SLC39A11: variants seen among roughly 807,000 people sequenced by gnomAD.
The protein encoded by SLC39A11 is zinc transporter ZIP11.
In SLC39A11, 33 loss-of-function variants were observed where a neutral mutation model predicts 36.1. The observed-to-expected ratio is 0.91, with a 90% CI of 0.69 to 1.22. SLC39A11 has a LOEUF of 1.22. SLC39A11 is among the 50% of genes most tolerant of loss of function. SLC39A11 has a pLI of 0.00. For missense variants in SLC39A11, 432 were observed against 430.3 expected (o/e 1.00, Z -0.03); for synonymous variants, 166 against 170.3 (o/e 0.97, Z 0.20).
intron 5 of SLC39A11, among the ~76,000 whole-genome samples, chr17:72,870,443 G>T (rs1300699863): frequency 6.6e-6 from 1 of 152,212 alleles, no homozygotes; most frequent in Non-Finnish European, 1.5e-5. Context: ...ATTATTCCTG[G>T]CTTCACTGCT....
intron 3 of SLC39A11, among the ~76,000 whole-genome samples, chr17:73,038,746 GGGAGGAGGGAGGGAGGAGGGAT>G (rs1472036408): frequency 3.7e-4 from 46 of 123,524 alleles, no homozygotes; most frequent in Non-Finnish European, 6.5e-4. Context: ...AAAGAAAGGA[GGGAGGAGGGAGGGAGGAGGGAT>G]GGAGGAGGGA....
chr17:72,703,059 C>G (rs1413464584), intron 7 of SLC39A11, among the ~76,000 whole-genome samples: 1 of 151,908 alleles, frequency 6.6e-6, no homozygotes, highest in South Asian at 2.1e-4. Context: ...GCTCCCTTAC[C>G]GCCCCATCAC....
chr17:73,019,547 T>C (rs189801308), intron 4 of SLC39A11, among the ~76,000 whole-genome samples: 72 of 152,298 alleles, frequency 4.7e-4, no homozygotes, highest in Admixed American at 1.4e-3. Flanking sequence ...ACAATGTTAA[T>C]TCAAGGTAGA....
At chr17:72,650,836 T>C (rs1224168708) in intron 7 of SLC39A11, among the ~76,000 whole-genome samples, 1 of 152,150 alleles carries the variant, frequency 6.6e-6, no homozygotes, top group Non-Finnish European at 1.5e-5. Context: ...GCCTATGACC[T>C]GCCCCAGGCT....
intron 6 of SLC39A11, among the ~76,000 whole-genome samples, chr17:72,819,493 G>T (rs1347526562): frequency 6.6e-6 from 1 of 151,280 alleles, no homozygotes; most frequent in Non-Finnish European, 1.5e-5. Context: ...AGGAAAGGGG[G>T]CAGATGGCCA....
intron 6 of SLC39A11, among the ~76,000 whole-genome samples, chr17:72,776,279 C>A (rs747001109): frequency 6.6e-6 from 1 of 152,180 alleles, no homozygotes; most frequent in Admixed American, 6.5e-5. Flanking sequence ...TGTAAACCAT[C>A]CAGGATCATG....
Position 72,986,407 on chromosome 17 carries a change from G to A in SLC39A11, c.307-38532C>T, listed in dbSNP as rs113310165. On this transcript the variant is annotated intron_variant, in intron 4 of 9. Coordinates refer to ENST00000255559, the MANE Select transcript of SLC39A11 (RefSeq NM_139177.4). ...GGTGAAGCTTTTTAGAAATACAGAC[G>A]TCTAAGCTCCACCCAAAGCCTCCTA... Among the ~76,000 whole-genome samples, 10 of 152,326 alleles carry A rather than the reference G, an allele frequency of 6.6e-5. 1 individual carries two copies. The highest frequency in any genetic ancestry group is 2.4e-4 in the African/African-American group (10 of 41,582).
At position 72,662,674 on chromosome 17, in the gene SLC39A11, A is replaced by G. The variant is rs151163890; in HGVS notation, c.672-13406T>C. The stretch of plus-strand genomic sequence containing the variant: ...GAAAAAAGAAAAGAAAAAGGAAGGA[A>G]AAGAAGGAAAAGAAAAAGAAAAGGA... On this transcript the variant is annotated intron_variant, in intron 7 of 9. Transcript: ENST00000255559. Among the ~76,000 whole-genome samples the G allele has an allele frequency of 1.2e-3, 187 of 150,924 alleles. 1 individual carries two copies. The highest frequency in any genetic ancestry group is 4.4e-3 in the African/African-American group (180 of 41,284).
chr17:72,767,395 G>C (rs56653615), intron 6 of SLC39A11, among the ~76,000 whole-genome samples: 2,593 of 152,326 alleles, frequency 0.017, 67 homozygotes, highest in African/African-American at 0.058. Context: ...AAAGGAAAAG[G>C]TGAGGGCTGC....
At chr17:73,054,368 C>CA (rs1319911492) in intron 3 of SLC39A11, among the ~76,000 whole-genome samples, 17 of 145,040 alleles carry the variant, frequency 1.2e-4, no homozygotes, top group Non-Finnish European at 1.5e-4. Context: ...TCGAAAAAAA[C>CA]AAAAAAACAA....
chr17:72,650,054 C>T lies in SLC39A11; in HGVS notation c.672-786G>A, dbSNP rs144138250. 2.0e-5 allele frequency among the ~76,000 whole-genome samples: 3 copies of T among 152,348 alleles called. No homozygotes were observed. The East Asian group carries it at 5.8e-4, about 29-fold the overall frequency. ...TTACAGCACAGAAATGAGTATATCA[C>T]ATTTTATTCAGAGGCCACTTCAGAA... On this transcript the variant is annotated intron_variant, in intron 7 of 9. Coordinates refer to ENST00000255559, the MANE Select transcript of SLC39A11 (RefSeq NM_139177.4).
intron 6 of SLC39A11, among the ~76,000 whole-genome samples, chr17:72,780,146 C>A (rs73352985): frequency 0.037 from 5,638 of 152,274 alleles, 328 homozygotes; most frequent in African/African-American, 0.13. Flanking sequence ...AGTCTGTGGA[C>A]TAAGCATGCT....
At chr17:72,801,792 CTA>C (rs1330834984) in intron 6 of SLC39A11, among the ~76,000 whole-genome samples, 1 of 152,088 alleles carries the variant, frequency 6.6e-6, no homozygotes, top group Non-Finnish European at 1.5e-5. Flanking sequence ...CTGCACAACT[CTA>C]TAAATTTACT....
chr17:73,003,513 T>G (rs1450459840), intron 4 of SLC39A11, among the ~76,000 whole-genome samples: 2 of 151,986 alleles, frequency 1.3e-5, no homozygotes, highest in African/African-American at 4.8e-5. Context: ...GACCCCAGGC[T>G]AGGATGAGAC....
At chr17:72,948,301 T>C (rs1257073903) in intron 4 of SLC39A11, among the ~76,000 whole-genome samples, 4 of 149,820 alleles carry the variant, frequency 2.7e-5, no homozygotes, top group African/African-American at 1.0e-4. Context: ...GCAAGCGTCA[T>C]CGCCGCACGC....
chr17:72,732,319 C>T lies in SLC39A11; in HGVS notation c.671+4331G>A, dbSNP rs2074266942. On this transcript the variant is annotated intron_variant, in intron 7 of 9. Coordinates refer to ENST00000255559, the MANE Select transcript of SLC39A11 (RefSeq NM_139177.4). ...GTGAGCCACGGCACCTGGCCATGTG[C>T]ATTACTTTTAACTACACTATATTCA... is the stretch of plus-strand genomic sequence containing the variant. Among the ~76,000 whole-genome samples the T allele has an allele frequency of 2.6e-5, 4 of 152,194 alleles. No individual in the cohort carries two copies. In the South Asian group the frequency reaches 8.3e-4, roughly 32 times the overall value.
chr17:72,681,907 G>C (rs1319842465), intron 7 of SLC39A11, among the ~76,000 whole-genome samples: 1 of 152,152 alleles, frequency 6.6e-6, no homozygotes, highest in Non-Finnish European at 1.5e-5. Context: ...CTCGGCCACA[G>C]ACCTGACCTG....
In SLC39A11 at chr17:72,740,056, C is replaced by CTTTTTTTTTTT. The variant is rs386386565; in HGVS notation, c.602-3348_602-3338dup. On this transcript the variant is annotated intron_variant, in intron 6 of 9. Coordinates refer to ENST00000255559, the MANE Select transcript of SLC39A11 (RefSeq NM_139177.4). The stretch of plus-strand genomic sequence containing the variant: ...AGCTAGATAGAATTTCTTTCCTTTT[C>CTTTTTTTTTTT]TTTTTTTTTTTTTTTTTTTTTTTTG... 8.8e-3 allele frequency among the ~76,000 whole-genome samples: 718 copies of CTTTTTTTTTTT among 81,458 alleles called. 72 individuals carry two copies. The highest frequency in any genetic ancestry group is 0.013 in the African/African-American group (254 of 19,428). 53.4% of individuals were successfully genotyped at this position (81,458 alleles called of 152,430 possible). A position where few individuals can be genotyped will look rare whatever the true frequency, so the allele number is the denominator to read the frequency against.
intron 5 of SLC39A11, among the ~76,000 whole-genome samples, chr17:72,878,286 C>A (rs2081023966): frequency 6.6e-6 from 1 of 152,180 alleles, no homozygotes; most frequent in South Asian, 2.1e-4. Flanking sequence ...CCGACACTGT[C>A]ACCTTCTGCT....
Sources: allele counts gnomAD v4.1 joint callset (sites outside exome capture counted in the v4.1 genomes callset), GRCh38; gene constraint gnomAD v4.1.1; transcripts MANE v1.5; gene names NCBI Gene and HGNC (gene_info 2026-07-23, HGNC 2026-07-21).